The following IPO11 variants were observed in gnomAD, a reference collection of about 807,000 sequenced individuals.
IPO11 encodes the protein importin-11.
Under a neutral mutation model 143.2 loss-of-function variants are expected in IPO11, and 66 were observed. That is an observed-to-expected ratio of 0.46 (90% CI 0.38 to 0.57). The LOEUF (loss-of-function observed/expected upper bound fraction) is 0.57, where lower values mean the gene tolerates loss of function less well. IPO11 is among the 20% of genes least tolerant of loss of function. IPO11 has a pLI of 0.00. For synonymous variants in IPO11, 385 were observed against 377.8 expected (o/e 1.02, Z -0.22); for missense variants, 1,026 against 1,141.0 (o/e 0.90, Z 1.45).
intron 29 of IPO11, among the ~76,000 whole-genome samples, chr5:62,615,609 T>C (rs1002897445): frequency 2.0e-5 from 3 of 152,062 alleles, no homozygotes; most frequent in Non-Finnish European, 4.4e-5. Flanking sequence ...ACAAAGTGAG[T>C]TTCAAAGATT....
intron 20 of IPO11, among the ~76,000 whole-genome samples, chr5:62,520,112 G>T (rs1003906774): frequency 3.9e-5 from 6 of 152,192 alleles, no homozygotes; most frequent in Non-Finnish European, 5.9e-5. Flanking sequence ...GGCCCACCTG[G>T]ATAATCTTCC....
At chr5:62,458,101 C>T (rs1330560815) in intron 5 of IPO11, among the ~76,000 whole-genome samples, 23 of 146,064 alleles carry the variant, frequency 1.6e-4, no homozygotes, top group African/African-American at 5.6e-4. Flanking sequence ...GAGCTGAGAT[C>T]GCGCCACTGC....
chr5:62,543,374 G>A (rs977239028), intron 24 of IPO11, among the ~76,000 whole-genome samples: 1 of 152,100 alleles, frequency 6.6e-6, no homozygotes, highest in Non-Finnish European at 1.5e-5. Flanking sequence ...CCTGTTATTG[G>A]TCTATTCAGG....
chr5:62,493,987 T>G lies in IPO11; in HGVS notation c.1464-11T>G, dbSNP rs1021928747. ...TTTAACATTTTAATTTCATGATTTT[T>G]TCCTGTTTAGGTATAAGCCATTGCG... On this transcript the variant is annotated splice_polypyrimidine_tract_variant and intron_variant, in intron 15 of 29. Transcript: ENST00000325324. 3 of 1,593,534 alleles carry G rather than the reference T, an allele frequency of 1.9e-6. No homozygotes were observed. The East Asian group carries it at 6.7e-5, about 36-fold the overall frequency.
intron 2 of IPO11, among the ~76,000 whole-genome samples, chr5:62,440,726 G>T (rs1744438790): frequency 6.6e-6 from 1 of 151,904 alleles, no homozygotes; most frequent in Non-Finnish European, 1.5e-5. Context: ...ACTTTGGGAG[G>T]CCAGGGCAGG....
intron 28 of IPO11, 65 bp downstream of exon 28, chr5:62,591,737 T>A: frequency 9.7e-7 from 1 of 1,034,550 alleles, no homozygotes; most frequent in Non-Finnish European, 1.4e-6. Context: ...GCTGCATGAT[T>A]TTTTTCACCA....
chr5:62,502,970 A>T (rs778027994), intron 16 of IPO11, among the ~76,000 whole-genome samples: 1 of 152,012 alleles, frequency 6.6e-6, no homozygotes, highest in Non-Finnish European at 1.5e-5. Flanking sequence ...TTATAGGTGC[A>T]CGCCACTATG....
At chr5:62,445,499 T>C (rs1195862533) in intron 3 of IPO11, among the ~76,000 whole-genome samples, 1 of 152,148 alleles carries the variant, frequency 6.6e-6, no homozygotes, top group African/African-American at 2.4e-5. Context: ...TGATGATTTT[T>C]TTTTTACTTC....
chr5:62,440,514 C>A (rs1744430596), intron 2 of IPO11, among the ~76,000 whole-genome samples: 1 of 151,858 alleles, frequency 6.6e-6, no homozygotes. Flanking sequence ...CCCCACCATG[C>A]CTAGCTAATT....
At chr5:62,491,700 C>T (rs1485868612) in intron 15 of IPO11, among the ~76,000 whole-genome samples, 5 of 138,786 alleles carry the variant, frequency 3.6e-5, no homozygotes, top group Admixed American at 7.6e-5. Flanking sequence ...GAGTCTTGCT[C>T]TGTTGCCCAG....
At chr5:62,582,487 T>C (rs996011142) in intron 27 of IPO11, among the ~76,000 whole-genome samples, 5 of 152,136 alleles carry the variant, frequency 3.3e-5, no homozygotes, top group Non-Finnish European at 7.4e-5. Flanking sequence ...GAGGTTCTTA[T>C]TAGATCTCCA....
chr5:62,492,354 C>T (rs537303090), intron 15 of IPO11, among the ~76,000 whole-genome samples: 9 of 152,172 alleles, frequency 5.9e-5, no homozygotes, highest in Non-Finnish European at 1.0e-4. Flanking sequence ...CTTGAAATGA[C>T]ATTTTTCCAC....
intron 27 of IPO11, among the ~76,000 whole-genome samples, chr5:62,577,622 A>G (rs1190842993): frequency 1.3e-5 from 2 of 152,218 alleles, no homozygotes; most frequent in South Asian, 2.1e-4. Context: ...TCCATTTTTA[A>G]TGCATAAAAT....
intron 27 of IPO11, chr5:62,581,103 A>G: frequency 3.2e-6 from 5 of 1,549,418 alleles, no homozygotes; most frequent in Non-Finnish European, 4.4e-6. Context: ...TTAAACAAAA[A>G]CTAAAGGCAT....
At chr5:62,468,054 C>A (rs1246269026) in intron 6 of IPO11, among the ~76,000 whole-genome samples, 4 of 151,976 alleles carry the variant, frequency 2.6e-5, no homozygotes, top group African/African-American at 7.3e-5. Context: ...CTCAAGTGAT[C>A]CTCTCACTGC....
At chr5:62,419,168 G>T in intron 1 of IPO11, 1 of 1,537,818 alleles carries the variant, frequency 6.5e-7, no homozygotes. Context: ...ACTTAGAAAG[G>T]TACTGTAAAA....
chr5:62,511,509 T>C (rs1741746670), intron 19 of IPO11, among the ~76,000 whole-genome samples: 1 of 152,258 alleles, frequency 6.6e-6, no homozygotes, highest in South Asian at 2.1e-4. Flanking sequence ...TATTCACTTA[T>C]ATCTTACTGA....
intron 27 of IPO11, chr5:62,578,768 G>A (rs748257970): frequency 3.3e-5 from 15 of 459,338 alleles, no homozygotes; most frequent in Non-Finnish European, 5.9e-5. Flanking sequence ...GTGAAGAGTG[G>A]TGTTTCCTGA....
intron 27 of IPO11, chr5:62,579,477 G>A (rs1744457313): frequency 6.4e-7 from 1 of 1,550,636 alleles, no homozygotes; most frequent in African/African-American, 1.4e-5. Flanking sequence ...GCCTACGACT[G>A]TTTCTGGTTG....
Sources: allele counts gnomAD v4.1 joint callset (sites outside exome capture counted in the v4.1 genomes callset), GRCh38; gene constraint gnomAD v4.1.1; transcripts MANE v1.5; gene names NCBI Gene and HGNC (gene_info 2026-07-23, HGNC 2026-07-21).